SDK1: variants seen among roughly 807,000 people sequenced by gnomAD.
The protein encoded by SDK1 is sidekick cell adhesion molecule 1.
A neutral mutation model predicts 245.5 loss-of-function variants in SDK1; 157 were observed. That is an observed-to-expected ratio of 0.64 (90% CI 0.56 to 0.73). SDK1 has a LOEUF of 0.73. Ranked by LOEUF, SDK1 falls within the 30% of genes least tolerant of loss-of-function variation. The pLI is 0.00. For synonymous variants in SDK1, 1,647 were observed against 1,278.5 expected (o/e 1.29, Z -6.15); for missense variants, 3,583 against 3,002.3 (o/e 1.19, Z -4.52).
chr7:3,551,730 C>T (rs1014239830), intron 1 of SDK1, among the ~76,000 whole-genome samples: 6 of 152,078 alleles, frequency 3.9e-5, no homozygotes, highest in Admixed American at 1.3e-4. Flanking sequence ...GGCTGGAGTA[C>T]AGCAGCACGA....
At chr7:3,753,455 G>C in intron 4 of SDK1, among the ~76,000 whole-genome samples, 1 of 152,074 alleles carries the variant, frequency 6.6e-6, no homozygotes, top group Non-Finnish European at 1.5e-5. Flanking sequence ...CTTAATATTA[G>C]AACCAAAAAG....
intron 10 of SDK1, 111 bp from the exon 11 acceptor site, chr7:3,969,146 G>A (rs1057111965): frequency 2.1e-6 from 2 of 959,716 alleles, no homozygotes; most frequent in Non-Finnish European, 3.0e-6. Flanking sequence ...GACGAGACTT[G>A]GGTGGGGACA....
intron 8 of SDK1, among the ~76,000 whole-genome samples, chr7:3,962,027 A>C (rs1357297707): frequency 6.6e-6 from 1 of 152,208 alleles, no homozygotes; most frequent in African/African-American, 2.4e-5. Flanking sequence ...ACGTAGACAC[A>C]TGCACATATA....
chr7:3,527,786 TAGCC>T (rs1467099797), intron 1 of SDK1, among the ~76,000 whole-genome samples: 1 of 148,052 alleles, frequency 6.8e-6, no homozygotes, highest in African/African-American at 2.5e-5. Flanking sequence ...GGTTGGATCA[TAGCC>T]AGCTAGAGGG....
intron 1 of SDK1, among the ~76,000 whole-genome samples, chr7:3,320,713 G>C (rs1779781734): frequency 6.6e-6 from 1 of 152,010 alleles, no homozygotes; most frequent in African/African-American, 2.4e-5. Context: ...CAGGGCATTT[G>C]TTCAACTAGT....
intron 22 of SDK1, among the ~76,000 whole-genome samples, chr7:4,093,825 G>A (rs1005097070): frequency 6.6e-6 from 1 of 152,208 alleles, no homozygotes. Context: ...TCATTTTGCT[G>A]TTTGCTGAGG....
intron 5 of SDK1, among the ~76,000 whole-genome samples, chr7:3,912,298 G>A (rs1779199939): frequency 6.6e-6 from 1 of 152,180 alleles, no homozygotes; most frequent in African/African-American, 2.4e-5. Context: ...GCTTTCAGAT[G>A]CTAATGCGTG....
chr7:3,559,116 C>T (rs1684465550), intron 1 of SDK1, among the ~76,000 whole-genome samples: 1 of 152,018 alleles, frequency 6.6e-6, no homozygotes, highest in Non-Finnish European at 1.5e-5. Context: ...TCCTTGAAGC[C>T]ATTAGTGTGT....
chr7:3,326,450 T>A (rs117345800), intron 1 of SDK1, among the ~76,000 whole-genome samples: 1 of 152,180 alleles, frequency 6.6e-6, no homozygotes, highest in African/African-American at 2.4e-5. Context: ...TGAAGTTGTT[T>A]TAGTTCTTCA....
chr7:3,403,861 A>AT (rs1778973656), intron 1 of SDK1, among the ~76,000 whole-genome samples: 1 of 109,226 alleles, frequency 9.2e-6, no homozygotes, highest in African/African-American at 4.0e-5. Context: ...ATATATATAT[A>AT]TATATATAAT....
chr7:3,624,245 C>T (rs115640233), intron 2 of SDK1, among the ~76,000 whole-genome samples: 4,611 of 152,276 alleles, frequency 0.03, 206 homozygotes, highest in African/African-American at 0.099. Flanking sequence ...GTTGCCCAGG[C>T]TGGAGTGCAA....
Position 3,445,329 on chromosome 7 carries a change from A to G in SDK1, c.298+143445A>G, listed in dbSNP as rs545286232. Among the ~76,000 whole-genome samples, 5 of 152,304 alleles carry G rather than the reference A, an allele frequency of 3.3e-5. No individual in the cohort carries two copies. The South Asian group carries it at 6.2e-4, about 19-fold the overall frequency. On this transcript the variant is annotated intron_variant, in intron 1 of 44. Coordinates refer to ENST00000404826, the MANE Select transcript of SDK1 (RefSeq NM_152744.4). The stretch of plus-strand genomic sequence containing the variant: ...TGGGCTCAATAATAATGAGAGAGCA[A>G]GTATTTTAAAGAAAACAGAATTTAC...
rs199659110 is a variant in SDK1 at position 4,055,553 on chromosome 7, G to C, written c.2911+3723G>C. 2.8e-4 allele frequency among the ~76,000 whole-genome samples: 27 copies of C among 94,800 alleles called. No homozygotes were observed. In the East Asian group the frequency reaches 5.2e-3, roughly 18 times the overall value. The allele number at this position is 94,800 out of a possible 152,430, so 62.2% of individuals were successfully genotyped here. On this transcript the variant is annotated intron_variant, in intron 19 of 44. Transcript: ENST00000404826. The stretch of plus-strand genomic sequence containing the variant: ...TGTTTTTGTTGTTGTTGTTGTTGTT[G>C]TTTTTGTTTTTTGTTTTTTTAGAAC...
At chr7:3,474,741 A>G (rs985536971) in intron 1 of SDK1, among the ~76,000 whole-genome samples, 9 of 152,150 alleles carry the variant, frequency 5.9e-5, no homozygotes, top group Non-Finnish European at 1.3e-4. Flanking sequence ...CCCAGGCTGC[A>G]GTGCAGTGGC....
rs553414034 is a variant in SDK1 at position 3,515,449 on chromosome 7, T to C, written c.299-103631T>C. 2.0e-5 allele frequency among the ~76,000 whole-genome samples: 3 copies of C among 152,310 alleles called. No individual in the cohort carries two copies. The East Asian group carries it at 5.8e-4, about 29-fold the overall frequency. Reference sequence around the variant, plus strand: ...TTTAATGACAGTGATGAGATGGTGCTAAAACTATCATAATTTCTAACTCTG... The same window carrying C: ...TTTAATGACAGTGATGAGATGGTGCCAAAACTATCATAATTTCTAACTCTG... On this transcript the variant is annotated intron_variant, in intron 1 of 44. Transcript: ENST00000404826.
intron 1 of SDK1, among the ~76,000 whole-genome samples, chr7:3,350,802 AG>A (rs61064784): frequency 0.018 from 2,683 of 152,292 alleles, 78 homozygotes; most frequent in African/African-American, 0.061. Flanking sequence ...GCAGTATGAT[AG>A]TTTGTGTGAC....
intron 25 of SDK1, 71 bp from the exon 26 acceptor site, chr7:4,127,310 G>A (rs1419272383): frequency 1.7e-6 from 2 of 1,156,592 alleles, no homozygotes; most frequent in African/African-American, 3.0e-5. Context: ...GATTATTTGG[G>A]TGAAAGCTGG....
chr7:3,602,694 G>A (rs908499394), intron 1 of SDK1, among the ~76,000 whole-genome samples: 6 of 151,954 alleles, frequency 3.9e-5, no homozygotes, highest in African/African-American at 1.5e-4. Flanking sequence ...GATCCCATTT[G>A]TCAATTTTGG....
intron 5 of SDK1, among the ~76,000 whole-genome samples, chr7:3,822,345 T>C (rs189245598): frequency 6.6e-6 from 1 of 152,344 alleles, no homozygotes; most frequent in Non-Finnish European, 1.5e-5. Flanking sequence ...AAACTAGTCA[T>C]GGCGGATGGT....
Sources: allele counts gnomAD v4.1 joint callset (sites outside exome capture counted in the v4.1 genomes callset), GRCh38; gene constraint gnomAD v4.1.1; transcripts MANE v1.5; gene names NCBI Gene and HGNC (gene_info 2026-07-23, HGNC 2026-07-21).